The following GCNA variants were observed in gnomAD, a reference collection of about 807,000 sequenced individuals.
The protein encoded by GCNA is germ cell nuclear acidic peptidase, also known as germ cell nuclear acidic protein.
A neutral mutation model predicts 38.8 loss-of-function variants in GCNA; 3 were observed. That is an observed-to-expected ratio of 0.08 (90% CI 0.04 to 0.20). The LOEUF (loss-of-function observed/expected upper bound fraction) is 0.20. Ranked by LOEUF, GCNA falls within the 10% of genes least tolerant of loss-of-function variation. The pLI is 1.00. For missense variants in GCNA, 446 were observed against 578.6 expected, an observed-to-expected ratio of 0.77 and a Z score of 2.35; for synonymous variants, 195 against 240.2, an observed-to-expected ratio of 0.81 and a Z score of 1.74.
At chrX:71,583,808 G>A (rs890083380) in intron 2 of GCNA, among the ~76,000 whole-genome samples, 2 of 100,355 alleles carry the variant, frequency 2.0e-5, no homozygotes, top group African/African-American at 3.7e-5. Flanking sequence ...AGCAATTTTC[G>A]TGCCTGAGCC....
intron 2 of GCNA, among the ~76,000 whole-genome samples, chrX:71,583,859 G>A (rs957788386): frequency 2.0e-4 from 21 of 107,547 alleles, no homozygotes; most frequent in African/African-American, 6.8e-4. Context: ...CACCACACCC[G>A]CCTAACTTTT....
At chrX:71,582,329 A>C (rs985396208) in intron 2 of GCNA, among the ~76,000 whole-genome samples, 1 of 110,382 alleles carries the variant, frequency 9.1e-6, no homozygotes, top group African/African-American at 3.3e-5. Flanking sequence ...ATAAGTGATA[A>C]GTTTTAATTA....
At chrX:71,585,192 TA>T (rs1457900996) in intron 2 of GCNA, among the ~76,000 whole-genome samples, 1 of 110,440 alleles carries the variant, frequency 9.1e-6, no homozygotes, top group East Asian at 2.8e-4. Context: ...CACACACCTG[TA>T]GTCTCAGCTA....
intron 7 of GCNA, among the ~76,000 whole-genome samples, chrX:71,602,029 C>T (rs942036707): frequency 2.7e-5 from 3 of 111,955 alleles, no homozygotes; most frequent in Admixed American, 1.9e-4. Context: ...TGAGGAACCA[C>T]CAAACTGTTC....
intron 7 of GCNA, 38 bp from the exon 8 acceptor site, chrX:71,603,550 G>A: frequency 8.5e-7 from 1 of 1,182,853 alleles, no homozygotes; most frequent in Non-Finnish European, 1.1e-6. Flanking sequence ...GTGGTAGAGG[G>A]AGTATATTTA....
intron 2 of GCNA, among the ~76,000 whole-genome samples, chrX:71,589,166 T>C (rs759161041): frequency 9.0e-6 from 1 of 111,113 alleles, no homozygotes; most frequent in Non-Finnish European, 1.9e-5. Context: ...CTTCTATAGT[T>C]TTTGAGGTTT....
At chrX:71,582,914 T>TAG (rs1371640270) in intron 2 of GCNA, among the ~76,000 whole-genome samples, 1 of 111,860 alleles carries the variant, frequency 8.9e-6, no homozygotes, top group Non-Finnish European at 1.9e-5. Flanking sequence ...TACCAGTACA[T>TAG]AGAGAAATAT....
At chrX:71,584,728 C>G (rs893416805) in intron 2 of GCNA, among the ~76,000 whole-genome samples, 1 of 109,541 alleles carries the variant, frequency 9.1e-6, no homozygotes, top group Non-Finnish European at 1.9e-5. Context: ...TTTAGCTGGG[C>G]GTGGTGGCAG....
intron 11 of GCNA, 68 bp from the exon 12 acceptor site, chrX:71,612,283 GAAAA>G (rs756270122): frequency 1.5e-3 from 454 of 293,458 alleles, no homozygotes; most frequent in East Asian, 2.6e-3. Context: ...CTCAAAAAAG[GAAAA>G]AAAAAAAAAA....
chrX:71,580,752 G>C, intron 1 of GCNA, 68 bp from the exon 2 acceptor site: 1 of 1,040,111 alleles, frequency 9.6e-7, no homozygotes. Context: ...GGGATTATAG[G>C]CGTGAGCCAC....
intron 7 of GCNA, 63 bp downstream of exon 7, chrX:71,598,101 T>G: frequency 2.3e-6 from 2 of 870,255 alleles, no homozygotes; most frequent in Non-Finnish European, 3.4e-6. Context: ...CACGTGGTAC[T>G]TTCAGGATCA....
At chrX:71,608,503 A>G (rs961478512) in intron 9 of GCNA, among the ~76,000 whole-genome samples, 2 of 111,909 alleles carry the variant, frequency 1.8e-5, no homozygotes, top group Non-Finnish European at 3.8e-5. Flanking sequence ...CGATCTCCTG[A>G]CCTCGTGATC....
At chrX:71,587,826 T>C (rs2040594765) in intron 2 of GCNA, among the ~76,000 whole-genome samples, 1 of 110,672 alleles carries the variant, frequency 9.0e-6, no homozygotes, top group Non-Finnish European at 1.9e-5. Flanking sequence ...TCGCCCAGGC[T>C]GGAGTGCAGT....
chrX:71,585,325 A>G (rs1184152638), intron 2 of GCNA, among the ~76,000 whole-genome samples: 1 of 110,099 alleles, frequency 9.1e-6, no homozygotes, highest in Non-Finnish European at 1.9e-5. Flanking sequence ...AAAAAAAGAA[A>G]AAAAAAAACA....
At chrX:71,611,858 G>A (rs1035095405) in intron 11 of GCNA, among the ~76,000 whole-genome samples, 3 of 111,464 alleles carry the variant, frequency 2.7e-5, no homozygotes, top group African/African-American at 6.5e-5. Context: ...GTTGAAGTAG[G>A]TTCACTATTC....
chrX:71,597,539 C>G (rs2040680707), intron 6 of GCNA, among the ~76,000 whole-genome samples: 1 of 111,005 alleles, frequency 9.0e-6, no homozygotes, highest in South Asian at 3.8e-4. Context: ...AGAGAAACTC[C>G]CTACTCTGAG....
chrX:71,603,243 A>G (rs2040730809), intron 7 of GCNA, among the ~76,000 whole-genome samples: 1 of 112,085 alleles, frequency 8.9e-6, no homozygotes, highest in Non-Finnish European at 1.9e-5. Context: ...TTTGCTCAGG[A>G]TAACTTTGGC....
intron 6 of GCNA, among the ~76,000 whole-genome samples, chrX:71,596,512 T>C (rs1050235525): frequency 1.2e-4 from 13 of 112,063 alleles, no homozygotes; most frequent in Non-Finnish European, 1.9e-4. Flanking sequence ...TTCCAGTGTA[T>C]AATATTATAC....
intron 1 of GCNA, among the ~76,000 whole-genome samples, chrX:71,578,766 T>G (rs1299307461): frequency 1.2e-5 from 1 of 82,798 alleles, no homozygotes; most frequent in Non-Finnish European, 2.4e-5. Flanking sequence ...GTGGCGGCAT[T>G]GGGAGGGGTG....
Sources: allele counts gnomAD v4.1 joint callset (sites outside exome capture counted in the v4.1 genomes callset), GRCh38; gene constraint gnomAD v4.1.1; transcripts MANE v1.5; gene names NCBI Gene and HGNC (gene_info 2026-07-23, HGNC 2026-07-21).